The following CCDC7 variants were observed in gnomAD, a reference collection of about 807,000 sequenced individuals.
The protein encoded by CCDC7 is coiled-coil domain containing 7, also known as coiled-coil domain-containing protein 7.
Under a neutral mutation model 196.9 loss-of-function variants are expected in CCDC7, and 183 were observed. The observed-to-expected ratio is 0.93, with a 90% CI of 0.82 to 1.05. The LOEUF is 1.05. Among genes scored for constraint, CCDC7 ranks in the 50% least tolerant of loss-of-function variants. The probability of loss-of-function intolerance (pLI) is 0.00; values close to 1 mark genes in which losing one functional copy is unlikely to be tolerated. For missense variants in CCDC7, 1,540 were observed against 1,482.2 expected (o/e 1.04, Z -0.64); for synonymous variants, 525 against 484.6 (o/e 1.08, Z -1.10).
chr10:32,535,485 G>T (rs1537411), intron 11 of CCDC7, among the ~76,000 whole-genome samples: 52,339 of 152,022 alleles, frequency 0.34, 11,441 homozygotes, highest in Non-Finnish European at 0.5. Flanking sequence ...GGGACAACTT[G>T]AAGGAAGGAT....
At chr10:32,601,551 G>A (rs570349523) in intron 18 of CCDC7, among the ~76,000 whole-genome samples, 84 of 152,284 alleles carry the variant, frequency 5.5e-4, no homozygotes, top group African/African-American at 1.9e-3. Flanking sequence ...GGTGAAGCCA[G>A]CTGGACTTCC....
chr10:32,532,236 C>T (rs1259073001), intron 11 of CCDC7, among the ~76,000 whole-genome samples: 1 of 151,968 alleles, frequency 6.6e-6, no homozygotes, highest in African/African-American at 2.4e-5. Flanking sequence ...TGTTGTATTC[C>T]CATTTTCATT....
intron 29 of CCDC7, among the ~76,000 whole-genome samples, chr10:32,784,162 A>C (rs903159536): frequency 1.3e-5 from 2 of 152,232 alleles, no homozygotes; most frequent in Non-Finnish European, 2.9e-5. Context: ...ATTTACCACA[A>C]TAAAAATGAA....
At chr10:32,661,489 C>A (rs1206770223) in intron 20 of CCDC7, among the ~76,000 whole-genome samples, 1 of 152,166 alleles carries the variant, frequency 6.6e-6, no homozygotes, top group Non-Finnish European at 1.5e-5. Context: ...TGCTGGGTCT[C>A]ACCTGAAGCC....
chr10:32,816,122 C>T (rs1030751207), intron 31 of CCDC7, among the ~76,000 whole-genome samples: 4 of 152,144 alleles, frequency 2.6e-5, no homozygotes, highest in African/African-American at 4.8e-5. Flanking sequence ...CCTGGAAAAC[C>T]GGGTCACTCC....
intron 13 of CCDC7, 126 bp downstream of exon 14, chr10:32,544,427 T>A: frequency 1.4e-6 from 1 of 700,830 alleles, no homozygotes; most frequent in Non-Finnish European, 2.1e-6. Flanking sequence ...TATGTGTCTC[T>A]GTGTGTGTGT....
intron 20 of CCDC7, among the ~76,000 whole-genome samples, chr10:32,654,216 A>G (rs1008886644): frequency 2.0e-5 from 3 of 152,166 alleles, no homozygotes; most frequent in Non-Finnish European, 4.4e-5. Flanking sequence ...AGATATTATT[A>G]CACTTTAATT....
chr10:32,452,120 A>T (rs540981626), intron 1 of CCDC7, among the ~76,000 whole-genome samples, 199 bp downstream of exon 2: 1 of 152,290 alleles, frequency 6.6e-6, no homozygotes, highest in African/African-American at 2.4e-5. Flanking sequence ...CACCCAGGAG[A>T]TGCTTAATTT....
intron 38 of CCDC7, 89 bp downstream of exon 39, chr10:32,848,005 T>A (rs1000514326): frequency 2.8e-6 from 2 of 707,396 alleles, no homozygotes; most frequent in African/African-American, 3.7e-5. Flanking sequence ...TACCTATATG[T>A]TAATATTTCA....
chr10:32,672,885 G>C (rs2074303910), intron 21 of CCDC7, among the ~76,000 whole-genome samples: 1 of 152,136 alleles, frequency 6.6e-6, no homozygotes, highest in Non-Finnish European at 1.5e-5. Context: ...TTGTTTCATA[G>C]CAGGAGGGAT....
intron 27 of CCDC7, 75 bp from the exon 29 acceptor site, chr10:32,729,257 T>C: frequency 7.3e-7 from 1 of 1,368,444 alleles, no homozygotes; most frequent in Non-Finnish European, 1.0e-6. Flanking sequence ...CTCATTTTAC[T>C]TCCATGGGTT....
rs768766893 is a variant in CCDC7 at position 32,584,310 on chromosome 10, A to G, written c.1801+6A>G. ...AGCAGCAGAAAAATCTCAAGGTAAAAAGACTCTGTTTTGGAAGATGAAAAT... is the reference window on the plus strand; with the variant it reads ...AGCAGCAGAAAAATCTCAAGGTAAAGAGACTCTGTTTTGGAAGATGAAAAT... On this transcript the variant is annotated splice_donor_region_variant and intron_variant, in intron 18 of 41. Transcript: ENST00000639629. 3 of 1,576,096 alleles carry G rather than the reference A, an allele frequency of 1.9e-6. No homozygotes were observed. The highest frequency in any genetic ancestry group is 2.6e-6 in the Non-Finnish European group (3 of 1,150,038).
intron 18 of CCDC7, among the ~76,000 whole-genome samples, chr10:32,631,189 T>G (rs2064811410): frequency 6.6e-6 from 1 of 152,192 alleles, no homozygotes; most frequent in Non-Finnish European, 1.5e-5. Context: ...TTTTCTTTTG[T>G]TAACTTGTGC....
chr10:32,729,441 A>C, exon 28 of CCDC7: 3 of 1,267,388 alleles, frequency 2.4e-6, no homozygotes, highest in Non-Finnish European at 3.3e-6. Context: ...TTCAAGCTAA[A>C]GTAACTTCAA....
intron 39 of CCDC7, 86 bp downstream of exon 40, chr10:32,848,804 C>T: frequency 9.2e-7 from 1 of 1,087,330 alleles, no homozygotes; most frequent in Admixed American, 2.5e-5. Context: ...ACTCTTTTTG[C>T]ATCTTACTTT....
chr10:32,616,556 T>A (rs1427609042), intron 18 of CCDC7, among the ~76,000 whole-genome samples: 1 of 151,670 alleles, frequency 6.6e-6, no homozygotes, highest in Non-Finnish European at 1.5e-5. Context: ...AAGAGGTTTT[T>A]TTTTTTTGGT....
In CCDC7 at chr10:32,638,400, G is replaced by A. The variant is rs184877825; in HGVS notation, c.2014+3242G>A. Reference sequence around the variant, plus strand: ...AATAGCTCTTATTATTTTGAGATACGTCCCATCAATACCTAATGTATTGAG... The same window carrying A: ...AATAGCTCTTATTATTTTGAGATACATCCCATCAATACCTAATGTATTGAG... On this transcript the variant is annotated intron_variant, in intron 20 of 41. Transcript: ENST00000639629. Among the ~76,000 whole-genome samples, 663 of 152,262 alleles carry A rather than the reference G, an allele frequency of 4.4e-3. 6 individuals are homozygous for A. The highest frequency in any genetic ancestry group is 0.015 in the African/African-American group (625 of 41,538).
upstream of CCDC7, chr10:32,446,133 T>C (rs923255196): frequency 6.6e-6 from 1 of 152,040 alleles, no homozygotes; most frequent in African/African-American, 2.4e-5. Context: ...GCCTGGGACG[T>C]GGCTTCAACG....
intron 21 of CCDC7, among the ~76,000 whole-genome samples, chr10:32,671,668 A>C (rs772254188): frequency 6.6e-6 from 1 of 152,118 alleles, no homozygotes; most frequent in Non-Finnish European, 1.5e-5. Flanking sequence ...GTTGCTTTAC[A>C]TTGATGTCTG....
Sources: gnomAD v4.1 joint callset for allele counts (sites outside exome capture counted in the v4.1 genomes callset) on GRCh38, gnomAD v4.1.1 for gene constraint, MANE v1.5 for transcripts, NCBI Gene and HGNC (gene_info 2026-07-23, HGNC 2026-07-21) for gene names.